Variants in SPAG16 observed in about 807,000 individuals in gnomAD.
SPAG16 encodes sperm associated antigen 16.
A neutral mutation model predicts 80.4 loss-of-function variants in SPAG16; 86 were observed. The ratio of observed to expected loss-of-function variants is 1.07; its 90% confidence interval spans 0.90 to 1.28. SPAG16 has a LOEUF of 1.28. Among genes scored for constraint, SPAG16 ranks in the 50% most tolerant of loss-of-function variants. SPAG16 has a pLI of 0.00. For missense variants in SPAG16, 870 were observed against 765.3 expected (o/e 1.14, Z -1.61); for synonymous variants, 294 against 265.9 (o/e 1.11, Z -1.03).
rs112906991 is a variant in SPAG16 at position 213,607,082 on chromosome 2, T to C, written c.1070+116992T>C. ...TTTGGTAGATGAAAGAAGAGACTAG[T>C]TGGTAAAATGTCTTGAAAATTGATC... On this transcript the variant is annotated intron_variant, in intron 10 of 15. Coordinates refer to ENST00000331683, the MANE Select transcript of SPAG16 (RefSeq NM_024532.5). 1.5e-3 allele frequency among the ~76,000 whole-genome samples: 236 copies of C among 152,282 alleles called. 3 individuals carry two copies. The highest frequency in any genetic ancestry group is 4.6e-3 in the African/African-American group (192 of 41,552).
intron 10 of SPAG16, among the ~76,000 whole-genome samples, chr2:213,760,803 T>G (rs1196658673): frequency 6.6e-6 from 1 of 152,192 alleles, no homozygotes; most frequent in African/African-American, 2.4e-5. Flanking sequence ...TTTTGGAGGA[T>G]GAGGAATCCA....
At chr2:214,304,245 CA>C (rs1694762436) in intron 15 of SPAG16, among the ~76,000 whole-genome samples, 1 of 152,166 alleles carries the variant, frequency 6.6e-6, no homozygotes, top group Non-Finnish European at 1.5e-5. Flanking sequence ...AAACTGGCCC[CA>C]AAAGTGGCCA....
rs568389652 is a variant in SPAG16, at chr2:213,749,060, T to C, written c.1071-113425T>C. On this transcript the variant is annotated intron_variant, in intron 10 of 15. Coordinates refer to ENST00000331683, the MANE Select transcript of SPAG16 (RefSeq NM_024532.5). ...TACTCAGGAGGCTGAGGCAGGAGCA[T>C]TGCTTGAACCCGGGAGGCGGAGGTT... 4.5e-3 allele frequency among the ~76,000 whole-genome samples: 691 copies of C among 152,166 alleles called. 7 individuals carry two copies. The highest frequency in any genetic ancestry group is 0.016 in the African/African-American group (645 of 41,520).
chr2:214,057,889 C>A (rs754982539), intron 13 of SPAG16, among the ~76,000 whole-genome samples: 7 of 152,094 alleles, frequency 4.6e-5, no homozygotes, highest in South Asian at 2.1e-4. Flanking sequence ...ACTTCATGAA[C>A]CAACTTCTGC....
intron 8 of SPAG16, among the ~76,000 whole-genome samples, chr2:213,368,584 G>T (rs1407263278): frequency 6.6e-6 from 1 of 152,256 alleles, no homozygotes; most frequent in Middle Eastern, 3.4e-3. Flanking sequence ...TCAGGAAAAA[G>T]AAATAAAGGG....
intron 14 of SPAG16, among the ~76,000 whole-genome samples, chr2:214,123,609 C>T (rs748955485): frequency 1.2e-4 from 18 of 151,832 alleles, no homozygotes; most frequent in Non-Finnish European, 2.4e-4. Flanking sequence ...TAATCAGAGA[C>T]AATAAACCAG....
intron 15 of SPAG16, among the ~76,000 whole-genome samples, chr2:214,282,820 G>T (rs147797113): frequency 0.015 from 2,352 of 152,236 alleles, 36 homozygotes; most frequent in African/African-American, 0.034. Context: ...ATAATATCCA[G>T]TCCAAAACTG....
At chr2:213,792,576 C>CTTTTTTTTTTTT (rs11372174) in intron 10 of SPAG16, among the ~76,000 whole-genome samples, 1 of 78,256 alleles carries the variant, frequency 1.3e-5, no homozygotes, top group Non-Finnish European at 2.3e-5. Context: ...AAATGAGTAT[C>CTTTTTTTTTTTT]TTTTTTTTTT....
intron 14 of SPAG16, among the ~76,000 whole-genome samples, chr2:214,116,673 C>T (rs2053950736): frequency 6.6e-6 from 1 of 152,170 alleles, no homozygotes; most frequent in African/African-American, 2.4e-5. Flanking sequence ...TCTTAGGTTC[C>T]TGCTCAGCTT....
At chr2:214,066,405 C>T (rs1181461788) in intron 13 of SPAG16, among the ~76,000 whole-genome samples, 1 of 152,162 alleles carries the variant, frequency 6.6e-6, no homozygotes, top group Non-Finnish European at 1.5e-5. Context: ...CCATCTGTTT[C>T]ATGATGTTTT....
chr2:214,042,431 C>A (rs1181155341), intron 13 of SPAG16, among the ~76,000 whole-genome samples: 1 of 83,936 alleles, frequency 1.2e-5, no homozygotes, highest in Non-Finnish European at 2.7e-5. Flanking sequence ...AAAACAAAAA[C>A]AAAACAACAA....
chr2:213,294,243 G>T (rs1575100765), intron 1 of SPAG16, among the ~76,000 whole-genome samples: 1 of 152,152 alleles, frequency 6.6e-6, no homozygotes, highest in Admixed American at 6.5e-5. Context: ...CTGGAGTAGG[G>T]TGTTAAATAA....
chr2:213,696,660 A>G (rs192736045), intron 10 of SPAG16, among the ~76,000 whole-genome samples: 9 of 152,306 alleles, frequency 5.9e-5, no homozygotes, highest in Admixed American at 5.2e-4. Context: ...GCTAAAAAAG[A>G]AAAAGATGCA....
At chr2:213,431,654 A>G (rs893107371) in intron 9 of SPAG16, among the ~76,000 whole-genome samples, 3 of 152,244 alleles carry the variant, frequency 2.0e-5, no homozygotes, top group Admixed American at 2.0e-4. Flanking sequence ...CAATAAGTGC[A>G]GGATTTCAAC....
chr2:214,137,320 A>G (rs1406174866), intron 14 of SPAG16, among the ~76,000 whole-genome samples: 1 of 152,062 alleles, frequency 6.6e-6, no homozygotes, highest in Non-Finnish European at 1.5e-5. Context: ...CAATGCCATT[A>G]TAATAGTTTA....
intron 11 of SPAG16, among the ~76,000 whole-genome samples, chr2:213,864,093 C>T (rs910265773): frequency 3.3e-5 from 5 of 151,796 alleles, no homozygotes; most frequent in African/African-American, 1.2e-4. Flanking sequence ...GAAACAACAA[C>T]AAAAAAAGCT....
chr2:214,395,259 T>A (rs1164308155), intron 15 of SPAG16, among the ~76,000 whole-genome samples: 1 of 152,206 alleles, frequency 6.6e-6, no homozygotes, highest in Admixed American at 6.5e-5. Flanking sequence ...CAAGAGTATG[T>A]TTACTTTTGT....
At chr2:213,729,504 A>G (rs1396306468) in intron 10 of SPAG16, among the ~76,000 whole-genome samples, 2 of 152,228 alleles carry the variant, frequency 1.3e-5, no homozygotes, top group Admixed American at 1.3e-4. Context: ...AGTTTTTGCC[A>G]GGAGGAGCCT....
At chr2:214,025,449 T>C (rs1231978066) in intron 13 of SPAG16, among the ~76,000 whole-genome samples, 1 of 151,734 alleles carries the variant, frequency 6.6e-6, no homozygotes, top group Non-Finnish European at 1.5e-5. Flanking sequence ...CATTCTTTTA[T>C]ACATTCAACC....
Sources: allele counts gnomAD v4.1 joint callset (sites outside exome capture counted in the v4.1 genomes callset), GRCh38; gene constraint gnomAD v4.1.1; transcripts MANE v1.5; gene names NCBI Gene and HGNC (gene_info 2026-07-23, HGNC 2026-07-21).